Variants in PTPRN2 observed in about 807,000 individuals in gnomAD.
The protein encoded by PTPRN2 is protein tyrosine phosphatase receptor type N2, also known as receptor-type tyrosine-protein phosphatase N2.
In PTPRN2, 74 loss-of-function variants were observed where a neutral mutation model predicts 118.8. The ratio of observed to expected loss-of-function variants is 0.62; its 90% CI spans 0.52 to 0.76. The LOEUF (loss-of-function observed/expected upper bound fraction) is 0.76. Ranked by LOEUF, PTPRN2 falls within the 30% of genes least tolerant of loss-of-function variation. The pLI is 0.00. For missense variants in PTPRN2, 1,481 were observed against 1,394.4 expected (o/e 1.06, Z -0.99); for synonymous variants, 641 against 608.0 (o/e 1.05, Z -0.80).
At chr7:158,320,061 TCACA>T (rs138946881) in intron 2 of PTPRN2, among the ~76,000 whole-genome samples, 1,477 of 38,026 alleles carry the variant, frequency 0.039, 251 homozygotes, top group African/African-American at 0.15. Context: ...ACAGTCTCCC[TCACA>T]CACACACACA....
intron 3 of PTPRN2, among the ~76,000 whole-genome samples, chr7:158,282,976 G>A (rs143510943): frequency 1.0e-4 from 15 of 146,788 alleles, no homozygotes; most frequent in East Asian, 1.0e-3. Flanking sequence ...GGACATAGAC[G>A]GCTCGTCCCT....
At chr7:157,949,238 G>A (rs558744490) in intron 11 of PTPRN2, among the ~76,000 whole-genome samples, 20 of 152,284 alleles carry the variant, frequency 1.3e-4, no homozygotes, top group African/African-American at 4.6e-4. Context: ...GATGCATTTT[G>A]GGATGGTGAA....
chr7:158,523,551 C>CTGCCCTGGAGCGGAG (rs1563392857), intron 1 of PTPRN2, among the ~76,000 whole-genome samples: 2 of 39,950 alleles, frequency 5.0e-5, no homozygotes, highest in Admixed American at 3.3e-4. Flanking sequence ...GAATGGAGTC[C>CTGCCCTGGAGCGGAG]TCTGCCCTGG....
At chr7:158,371,143 G>T (rs112189905) in intron 2 of PTPRN2, among the ~76,000 whole-genome samples, 2 of 152,212 alleles carry the variant, frequency 1.3e-5, no homozygotes, top group Admixed American at 1.3e-4. Flanking sequence ...GAAGAAACAC[G>T]GGCCCACAGT....
intron 4 of PTPRN2, among the ~76,000 whole-genome samples, chr7:158,201,497 C>T (rs1826645469): frequency 6.6e-6 from 1 of 152,058 alleles, no homozygotes; most frequent in East Asian, 1.9e-4. Context: ...TGGAAATTGC[C>T]CTGCAAAGTC....
At chr7:158,580,005 G>A (rs1166744708) in intron 1 of PTPRN2, among the ~76,000 whole-genome samples, 2 of 152,218 alleles carry the variant, frequency 1.3e-5, no homozygotes, top group Non-Finnish European at 2.9e-5. Context: ...TTCAGGAAAA[G>A]CAGAGAAAGA....
intron 4 of PTPRN2, among the ~76,000 whole-genome samples, chr7:158,203,202 G>A (rs182289871): frequency 1.5e-3 from 196 of 128,324 alleles, no homozygotes; most frequent in African/African-American, 5.6e-3. Context: ...ACTGCACTCC[G>A]GCCTAGGTGA....
chr7:158,069,036 G>A (rs1396500708), intron 11 of PTPRN2, among the ~76,000 whole-genome samples: 1 of 152,130 alleles, frequency 6.6e-6, no homozygotes, highest in Admixed American at 6.5e-5. Flanking sequence ...TGTAAGCCGT[G>A]GGCTTTGCAT....
At chr7:158,071,740 AGGTGCTCATGGTGGAGG>A (rs1563393218) in intron 11 of PTPRN2, among the ~76,000 whole-genome samples, 1 of 79,506 alleles carries the variant, frequency 1.3e-5, no homozygotes, top group African/African-American at 5.8e-5. Context: ...GTGGTGGTGG[AGGTGCTCATGGTGGAGG>A]TGCTCGTGGT....
At chr7:157,803,748 TCTGGA>T (rs1191299222) in intron 12 of PTPRN2, among the ~76,000 whole-genome samples, 5 of 152,038 alleles carry the variant, frequency 3.3e-5, no homozygotes, top group Admixed American at 3.3e-4. Flanking sequence ...ATGAGTTGTT[TCTGGA>T]CTCTCTGTTC....
chr7:158,331,113 C>G (rs1356944954), intron 2 of PTPRN2, among the ~76,000 whole-genome samples: 1 of 142,830 alleles, frequency 7.0e-6, no homozygotes, highest in South Asian at 2.3e-4. Context: ...TCACTCACAC[C>G]CACACTCTCA....
In PTPRN2 at chr7:158,133,771, G is replaced by T; in HGVS notation, c.1462C>A (p.Pro488Thr). The T allele has an allele frequency of 6.2e-7, 1 of 1,613,912 alleles. No individual in the cohort carries two copies. Among genetic ancestry groups the T allele is most frequent in the Non-Finnish European group, 8.5e-7 (1 of 1,179,994 alleles). ...PGPSKEEQSL[P>T]AGAQEALSDG... ...CTGAGGGCCTCCTGAGCACCCGCTG[G>T]AAGGCTCTGCTCCTCCTTCGAGGGC... Residue 488 changes from proline to threonine, a missense_variant, in exon 9 of 23, where the codon CCA (proline) becomes ACA (threonine). By Grantham distance (38) the Pro-to-Thr change is conservative. Transcript: ENST00000389418.
At chr7:158,275,132 G>A (rs567069456) in intron 3 of PTPRN2, among the ~76,000 whole-genome samples, 16 of 152,306 alleles carry the variant, frequency 1.1e-4, no homozygotes, top group Admixed American at 2.6e-4. Context: ...GAGGAGCCCC[G>A]GGGAAGAGCT....
At chr7:157,606,983 A>G (rs1348146332) in intron 15 of PTPRN2, among the ~76,000 whole-genome samples, 1 of 152,210 alleles carries the variant, frequency 6.6e-6, no homozygotes, top group East Asian at 1.9e-4. Flanking sequence ...GAGGAGAAGA[A>G]TGCATGTGTA....
intron 12 of PTPRN2, among the ~76,000 whole-genome samples, chr7:157,814,081 G>C (rs934707581): frequency 6.6e-6 from 1 of 152,254 alleles, no homozygotes; most frequent in Non-Finnish European, 1.5e-5. Context: ...CTGCCGTGCT[G>C]CGCAGGTGAG....
intron 12 of PTPRN2, among the ~76,000 whole-genome samples, chr7:157,716,133 G>A (rs1467756910): frequency 6.6e-6 from 1 of 152,260 alleles, no homozygotes; most frequent in Non-Finnish European, 1.5e-5. Context: ...GGGGGTGGGA[G>A]GTGGTGCCAG....
In PTPRN2 at chr7:158,077,493, T is replaced by C. The variant is rs536200124; in HGVS notation, c.1723+3805A>G. ...TGCTGAGGTCAAAGGGGGAAACTGC[T>C]CAGGACAGGAGCCCCCCATGAGCCT... On this transcript the variant is annotated intron_variant, in intron 11 of 22. Transcript: ENST00000389418. 3.2e-3 allele frequency among the ~76,000 whole-genome samples: 462 copies of C among 144,496 alleles called. 3 individuals are homozygous for C. Among genetic ancestry groups the C allele is most frequent in the African/African-American group, 0.012 (444 of 36,392 alleles). 94.8% of individuals were successfully genotyped at this position (144,496 alleles called of 152,430 possible). A position where few individuals can be genotyped will look rare whatever the true frequency, so the allele number is the denominator to read the frequency against.
At chr7:157,956,755 C>T (rs1231873371) in intron 11 of PTPRN2, among the ~76,000 whole-genome samples, 1 of 152,258 alleles carries the variant, frequency 6.6e-6, no homozygotes, top group East Asian at 1.9e-4. Context: ...ATGGTGGGAA[C>T]CTCACTTTCC....
Position 158,081,321 on chromosome 7 carries a change from G to A in PTPRN2, c.1700C>T (p.Thr567Ile). 6.2e-7 allele frequency: 1 copy of A among 1,614,130 alleles called. No individual in the cohort carries two copies. The highest frequency in any genetic ancestry group is 8.5e-7 in the Non-Finnish European group (1 of 1,180,004). The change falls in exon 11 of 23, where the codon ACT becomes ATT. Residue 567 changes from threonine (T) to isoleucine (I), a missense_variant. Transcript: ENST00000389418. ...ACCTGTGGCCTTCTCCACATCCTCAGTGGTCACGTTTTGGACATTGGCGCT... is the reference window on the plus strand; with the variant it reads ...ACCTGTGGCCTTCTCCACATCCTCAATGGTCACGTTTTGGACATTGGCGCT... ...KVSANVQNVT[T>I]EDVEKATVDN... is the part of the protein sequence containing the mutation.
Sources: allele counts gnomAD v4.1 joint callset (sites outside exome capture counted in the v4.1 genomes callset), GRCh38; gene constraint gnomAD v4.1.1; transcripts MANE v1.5; gene names NCBI Gene and HGNC (gene_info 2026-07-23, HGNC 2026-07-21).